DGCR8: variants seen among roughly 807,000 people sequenced by gnomAD.
The protein encoded by DGCR8 is microprocessor complex subunit DGCR8.
A neutral mutation model predicts 78.5 loss-of-function variants in DGCR8; 14 were observed. The ratio of observed to expected loss-of-function variants is 0.18; its 90% CI spans 0.12 to 0.28. The LOEUF (loss-of-function observed/expected upper bound fraction) is 0.28. Ranked by LOEUF, DGCR8 falls within the 10% of genes least tolerant of loss-of-function variation. The probability of loss-of-function intolerance (pLI) is 1.00; values close to 1 mark genes in which losing one functional copy is unlikely to be tolerated. For synonymous variants in DGCR8, 399 were observed against 402.4 expected, an observed-to-expected ratio of 0.99 and a Z score of 0.10; for missense variants, 702 against 1,022.5, an observed-to-expected ratio of 0.69 and a Z score of 4.28.
At position 20,106,130 on chromosome 22, in the gene DGCR8, G is replaced by A. The variant is rs1555880186; in HGVS notation, c.1789-47G>A. 2.6e-6 allele frequency: 4 copies of A among 1,537,344 alleles called. No homozygotes were observed. The East Asian group carries it at 9.0e-5, about 35-fold the overall frequency. ...CAACCGCAGGCCCAGCCATGAAGAGGCCGGTGGGCCTGGTGGGGACTCACA... is the reference window on the plus strand; with the variant it reads ...CAACCGCAGGCCCAGCCATGAAGAGACCGGTGGGCCTGGTGGGGACTCACA... On this transcript the variant is annotated intron_variant, in intron 9 of 13. Coordinates refer to ENST00000351989, the MANE Select transcript of DGCR8 (RefSeq NM_022720.7).
At position 20,085,016 on chromosome 22, in the gene DGCR8, C is replaced by G. The variant is rs1271986669; in HGVS notation, c.-277-671C>G. On this transcript the variant is annotated intron_variant, in intron 1 of 13. Coordinates refer to ENST00000351989, the MANE Select transcript of DGCR8 (RefSeq NM_022720.7). This position sits in a 1 kb window ranked among gnomAD's most constrained non-coding sequence, Gnocchi z 6.2. ...TCGGCTCCAGCTGTCTCTTGTGGCT[C>G]CCCACCCCAAATCCTGGCAGGTCCC... is the stretch of plus-strand genomic sequence containing the variant. The G allele has an allele frequency of 1.0e-6, 1 of 985,302 alleles. No individual in the cohort carries two copies. The highest frequency in any genetic ancestry group is 1.2e-6 in the Non-Finnish European group (1 of 829,926). The allele number at this position is 985,302 out of a possible 1,614,324, so 61.0% of individuals were successfully genotyped here. A position where few individuals can be genotyped will look rare whatever the true frequency, so the allele number is the denominator to read the frequency against.
chr22:20,080,462 C>T (rs990990469), intron 1 of DGCR8, 79 bp downstream of exon 1: 56 of 983,402 alleles, frequency 5.7e-5, no homozygotes, highest in Non-Finnish European at 6.4e-5. Flanking sequence ...CCTTCCCTCC[C>T]GCCTCCCTCC....
At chr22:20,106,800 C>G in intron 11 of DGCR8, 102 bp downstream of exon 11, 1 of 829,488 alleles carries the variant, frequency 1.2e-6, no homozygotes. Flanking sequence ...CTGGCATTGT[C>G]CCTGAGCCCA....
intron 9 of DGCR8, among the ~76,000 whole-genome samples, chr22:20,098,837 T>C (rs1214843276): frequency 1.3e-5 from 2 of 152,336 alleles, no homozygotes; most frequent in East Asian, 1.9e-4. Flanking sequence ...AATGACCTCA[T>C]TGTAATGTGA....
intron 9 of DGCR8, among the ~76,000 whole-genome samples, chr22:20,100,123 G>C (rs1190572827): frequency 6.6e-6 from 1 of 152,118 alleles, no homozygotes; most frequent in African/African-American, 2.4e-5. Flanking sequence ...CTGGAGTGCA[G>C]TGGTTCGATC....
At chr22:20,107,013 G>A (rs903800608) in intron 11 of DGCR8, 23 of 577,814 alleles carry the variant, frequency 4.0e-5, no homozygotes, top group Admixed American at 1.8e-4. Flanking sequence ...GCGTCTTGGC[G>A]GGAGGGAGGC....
Position 20,082,314 on chromosome 22 carries a change from C to T in DGCR8, c.-278+1931C>T, listed in dbSNP as rs540926360. 2.6e-4 allele frequency among the ~76,000 whole-genome samples: 40 copies of T among 152,106 alleles called. 1 individual carries two copies. In the South Asian group the frequency reaches 7.9e-3, roughly 30 times the overall value. ...GCCTCAAATGATCTGCCTGCCTCAG[C>T]CTTCCAGAGCGCTGGGATTACAGGC... On this transcript the variant is annotated intron_variant, in intron 1 of 13. Transcript: ENST00000351989.
intron 9 of DGCR8, among the ~76,000 whole-genome samples, chr22:20,105,765 C>T (rs8139107): frequency 0.13 from 19,977 of 152,214 alleles, 1,703 homozygotes; most frequent in Non-Finnish European, 0.19. Context: ...GCTTTTGGGT[C>T]TGGCTGACTT....
chr22:20,103,673 G>A (rs2049733525), intron 9 of DGCR8, among the ~76,000 whole-genome samples: 1 of 152,186 alleles, frequency 6.6e-6, no homozygotes, highest in Non-Finnish European at 1.5e-5. Flanking sequence ...AGCGAAGTGG[G>A]AAGTAGCCCT....
chr22:20,090,155 C>T lies in DGCR8; in HGVS notation c.1203C>T (p.Asp401=). 6.2e-7 allele frequency: 1 copy of T among 1,614,240 alleles called. No individual in the cohort carries two copies. Among genetic ancestry groups the T allele is most frequent in the Non-Finnish European group, 8.5e-7 (1 of 1,180,054 alleles). The change falls in exon 5 of 14, where the codon GAC becomes GAT. Residue 401 remains aspartate (D), a synonymous_variant. Coordinates refer to ENST00000351989, the MANE Select transcript of DGCR8 (RefSeq NM_022720.7). Reference sequence around the variant, plus strand: ...ATGAGCCTGACTCTATGGGTGCTGACCCGGGGCCCCCGGACGAGAAAGACC... The same window carrying T: ...ATGAGCCTGACTCTATGGGTGCTGATCCGGGGCCCCCGGACGAGAAAGACC... ...PLDEPDSMGA[D]PGPPDEKDPL...
At chr22:20,081,480 G>C (rs2049417588) in intron 1 of DGCR8, among the ~76,000 whole-genome samples, 1 of 152,250 alleles carries the variant, frequency 6.6e-6, no homozygotes, top group Non-Finnish European at 1.5e-5. Flanking sequence ...TACGGGCAGA[G>C]AGCTCCCCTT....
At position 20,110,000 on chromosome 22, in the gene DGCR8, C is replaced by G. The variant is rs200120427; in HGVS notation, c.2239-25C>G. 10 of 1,612,076 alleles carry G rather than the reference C, an allele frequency of 6.2e-6. No individual in the cohort carries two copies. In the East Asian group the frequency reaches 2.2e-4, roughly 36 times the overall value. On this transcript the variant is annotated intron_variant, in intron 13 of 13. Coordinates refer to ENST00000351989, the MANE Select transcript of DGCR8 (RefSeq NM_022720.7). The stretch of plus-strand genomic sequence containing the variant: ...CTCTGCCAAGCCCACCTCACTGGTA[C>G]CCCTGACCTTTGTTGTTCTTTCAGG...
At position 20,111,641 on chromosome 22, in the gene DGCR8, G is replaced by A. The variant is rs1036409856; in HGVS notation, c.*1533G>A. 2.6e-5 allele frequency: 9 copies of A among 348,424 alleles called. No homozygotes were observed. Among genetic ancestry groups the A allele is most frequent in the African/African-American group, 6.6e-5 (3 of 45,720 alleles). The allele number at this position is 348,424 out of a possible 1,614,324, so 21.6% of individuals were successfully genotyped here. The stretch of plus-strand genomic sequence containing the variant: ...GTTCCCCTAAAGGTTGGGGAGCCTC[G>A]CTGTGTCTTGCTGTTCCCAGGCACC... On this transcript the variant is annotated 3_prime_UTR_variant, in exon 14 of 14. Transcript: ENST00000351989.
intron 8 of DGCR8, among the ~76,000 whole-genome samples, chr22:20,093,442 G>C (rs2147925280): frequency 6.6e-6 from 1 of 152,302 alleles, no homozygotes; most frequent in African/African-American, 2.4e-5. Context: ...CTGAGTGACA[G>C]CTGGGCCAGT....
chr22:20,092,376 C>G (rs2049575803), intron 7 of DGCR8, among the ~76,000 whole-genome samples: 1 of 152,164 alleles, frequency 6.6e-6, no homozygotes, highest in Admixed American at 6.5e-5. Context: ...CTTGGGTGCC[C>G]TCATCACACC....
intron 12 of DGCR8, chr22:20,108,119 C>T (rs146425011): frequency 1.7e-3 from 256 of 152,840 alleles, no homozygotes; most frequent in Non-Finnish European, 2.8e-3. Context: ...AGACCGAGGC[C>T]TCGGCACTGT....
intron 9 of DGCR8, chr22:20,101,842 G>A (rs2049706143): frequency 1.0e-6 from 1 of 985,302 alleles, no homozygotes; most frequent in Non-Finnish European, 1.2e-6. Context: ...GGGGCGTGGG[G>A]TAGTATCCCC....
At chr22:20,094,852 C>T (rs2049609734) in intron 9 of DGCR8, 57 bp downstream of exon 9, 1 of 1,496,812 alleles carries the variant, frequency 6.7e-7, no homozygotes, top group East Asian at 2.3e-5. Flanking sequence ...GCTACCCTGC[C>T]CTGTTAGTGT....
At chr22:20,088,824 G>A (rs538673637) in intron 3 of DGCR8, among the ~76,000 whole-genome samples, 4 of 151,542 alleles carry the variant, frequency 2.6e-5, no homozygotes, top group Non-Finnish European at 4.4e-5. Flanking sequence ...TTTTTGAGGC[G>A]GGGTCTTGCT....
Sources: allele counts gnomAD v4.1 joint callset (sites outside exome capture counted in the v4.1 genomes callset), GRCh38; gene constraint gnomAD v4.1.1; non-coding constraint Gnocchi (gnomAD v3.1); transcripts MANE v1.5; gene names NCBI Gene and HGNC (gene_info 2026-07-23, HGNC 2026-07-21).